Variants in MTRR observed in about 807,000 individuals in gnomAD.
MTRR encodes 5-methyltetrahydrofolate-homocysteine methyltransferase reductase.
MTRR carries 63 observed loss-of-function variants against 79.2 expected under a neutral mutation model. That is an observed-to-expected ratio of 0.80 (90% CI 0.65 to 0.98). MTRR has a LOEUF of 0.98. Among genes scored for constraint, MTRR ranks in the 50% least tolerant of loss-of-function variants. The pLI is 0.00. For missense variants in MTRR, 895 were observed against 839.6 expected, an observed-to-expected ratio of 1.07 and a Z score of -0.82; for synonymous variants, 355 against 313.3, an observed-to-expected ratio of 1.13 and a Z score of -1.41.
At chr5:7,888,424 T>C (rs568212934) in intron 8 of MTRR, among the ~76,000 whole-genome samples, 4 of 152,362 alleles carry the variant, frequency 2.6e-5, no homozygotes, top group Admixed American at 2.0e-4. Flanking sequence ...TTGGTAGATG[T>C]TTTTATTATC....
At chr5:7,869,063 C>T (rs1443416939), upstream of MTRR, 8 of 1,559,400 alleles carry the variant, frequency 5.1e-6, no homozygotes, top group Non-Finnish European at 7.1e-6. Flanking sequence ...GGCGGGAGCA[C>T]GACTCAGGGC....
chr5:7,878,399 A>G, intron 5 of MTRR, 77 bp downstream of exon 5: 2 of 1,565,704 alleles, frequency 1.3e-6, no homozygotes, highest in Non-Finnish European at 1.8e-6. Context: ...TTATTATTAC[A>G]TTAGAAGAGA....
chr5:7,871,816 A>T (rs1265948316), intron 2 of MTRR, among the ~76,000 whole-genome samples: 1 of 152,228 alleles, frequency 6.6e-6, no homozygotes, highest in African/African-American at 2.4e-5. Flanking sequence ...GGAGACTGCC[A>T]GTCAGCAGAC....
At position 7,892,931 on chromosome 5, in the gene MTRR, T is replaced by C. The variant is rs367589908; in HGVS notation, c.1557+18T>C. On this transcript the variant is annotated intron_variant, in intron 11 of 14. Coordinates refer to ENST00000440940, the MANE Select transcript of MTRR (RefSeq NM_002454.3). The stretch of plus-strand genomic sequence containing the variant: ...CTCCTAAGGTAAGAAATTAGTACCT[T>C]AACCTCAGCATTGTTAACTCATACT... 10 of 1,608,272 alleles carry C rather than the reference T, an allele frequency of 6.2e-6. No individual in the cohort carries two copies. In the African/African-American group the frequency reaches 8.0e-5, roughly 13 times the overall value.
At chr5:7,850,953 C>A, upstream of MTRR, 2 of 1,336,668 alleles carry the variant, frequency 1.5e-6, no homozygotes, top group Middle Eastern at 2.2e-4. Context: ...CGGACTGCGC[C>A]GAGACGGGCG....
At chr5:7,892,334 A>T (rs1373588234) in intron 10 of MTRR, among the ~76,000 whole-genome samples, 2 of 152,210 alleles carry the variant, frequency 1.3e-5, no homozygotes, top group Non-Finnish European at 2.9e-5. Context: ...TGTATACTTC[A>T]GTCACTTTCA....
upstream of MTRR, among the ~76,000 whole-genome samples, chr5:7,864,743 A>G (rs965590049): frequency 6.6e-6 from 1 of 152,182 alleles, no homozygotes; most frequent in Admixed American, 6.5e-5. Context: ...AACACACTGC[A>G]ATAGAAGTGG....
Position 7,870,046 on chromosome 5 carries a change from G to GA in MTRR, c.-25-717dup, listed in dbSNP as rs1316092834. 18 of 985,204 alleles carry GA rather than the reference G, an allele frequency of 1.8e-5. No homozygotes were observed. The African/African-American group carries it at 2.3e-4, about 12-fold the overall frequency. 61.0% of individuals were successfully genotyped at this position (985,204 alleles called of 1,614,324 possible). Reference sequence around the variant, plus strand: ...CAATTTTAGCCGTTAGATGAGTATGGAAAAAAATCTGTGAGTGTCGTTTGT... The same window carrying GA: ...CAATTTTAGCCGTTAGATGAGTATGGAAAAAAAATCTGTGAGTGTCGTTTGT... On this transcript the variant is annotated intron_variant, in intron 1 of 14. Coordinates refer to ENST00000440940, the MANE Select transcript of MTRR (RefSeq NM_002454.3).
chr5:7,854,644 G>A (rs187855339), intron 1 of MTRR, among the ~76,000 whole-genome samples: 8 of 152,118 alleles, frequency 5.3e-5, no homozygotes, highest in African/African-American at 9.7e-5. Flanking sequence ...TCCCTACCAC[G>A]AGAATATGGG....
chr5:7,885,720 A>T lies in MTRR; in HGVS notation c.923A>T (p.Gln308Leu), dbSNP rs778560380. The T allele has an allele frequency of 1.2e-6, 2 of 1,612,256 alleles. No homozygotes were observed. Among genetic ancestry groups the T allele is most frequent in the Non-Finnish European group, 1.7e-6 (2 of 1,179,770 alleles). ...LDISNTDFSY[Q>L]PGDAFSVICP... ...CTCTAGAATACAGACTTTTCCTATCAGCCTGGAGATGCCTTCAGCGTGATC... is the reference window on the plus strand; with the variant it reads ...CTCTAGAATACAGACTTTTCCTATCTGCCTGGAGATGCCTTCAGCGTGATC... Residue 308 changes from glutamine (Q) to leucine (L), a missense_variant, in exon 7 of 15, where the codon CAG becomes CTG. Physicochemically the swap from Gln to Leu is moderately radical, Grantham distance 113. Coordinates refer to ENST00000440940, the MANE Select transcript of MTRR (RefSeq NM_002454.3).
intron 9 of MTRR, among the ~76,000 whole-genome samples, 197 bp downstream of exon 9, chr5:7,889,472 G>GCCCTTCCAGAAGTCACAGAATTC (rs1426287280): frequency 4.6e-5 from 7 of 152,224 alleles, no homozygotes; most frequent in African/African-American, 1.7e-4. Flanking sequence ...ACATCTGTGT[G>GCCCTTCCAGAAGTCACAGAATTC]CCCTTCCAGA....
chr5:7,853,429 A>T (rs1215643772), intron 1 of MTRR, among the ~76,000 whole-genome samples: 1 of 152,224 alleles, frequency 6.6e-6, no homozygotes, highest in African/African-American at 2.4e-5. Context: ...GTATTTCTTT[A>T]TAGCAGCATG....
chr5:7,861,681 C>T (rs781732035), intron 1 of MTRR: 13 of 1,596,770 alleles, frequency 8.1e-6, no homozygotes, highest in South Asian at 1.1e-5. Context: ...AAAAATTCCT[C>T]GTGTGATACC....
Position 7,900,252 on chromosome 5 carries a change from G to A in MTRR, c.*194G>A, listed in dbSNP as rs188412908. On this transcript the variant is annotated 3_prime_UTR_variant, in exon 15 of 15. Transcript: ENST00000440940. ...TTGATTTTACGTATCTTCTATCTACGCCCTTCCTGTGCCTGTGACTCTCCC... is the reference window on the plus strand; with the variant it reads ...TTGATTTTACGTATCTTCTATCTACACCCTTCCTGTGCCTGTGACTCTCCC... The A allele has an allele frequency of 3.1e-6, 2 of 641,702 alleles. No individual in the cohort carries two copies. Among genetic ancestry groups the A allele is most frequent in the Admixed American group, 3.1e-5 (1 of 32,768 alleles). The allele number at this position is 641,702 out of a possible 1,614,324, so 39.8% of individuals were successfully genotyped here. A position where few individuals can be genotyped will look rare whatever the true frequency, so the allele number is the denominator to read the frequency against.
chr5:7,896,931 C>A lies in MTRR; in HGVS notation c.1744C>A (p.His582Asn), dbSNP rs949973580. ...AATGTGGTTGTTTTTTGGCTGCAGG[C>A]ATAAGGATAGGGATTATCTATTCAG... Reference protein sequence around the residue: ...GAMWLFFGCRHKDRDYLFRKE... With the variant: ...GAMWLFFGCRNKDRDYLFRKE... Residue 582 changes from histidine to asparagine, a missense_variant, in exon 13 of 15, where the codon CAT becomes AAT. Physicochemically the swap from His to Asn is moderately conservative, Grantham distance 68. Transcript: ENST00000440940. 6.2e-7 allele frequency: 1 copy of A among 1,613,824 alleles called. No individual in the cohort carries two copies. The highest frequency in any genetic ancestry group is 1.3e-5 in the African/African-American group (1 of 74,838).
chr5:7,892,854 G>A lies in MTRR; in HGVS notation c.1498G>A (p.Val500Ile), dbSNP rs766470905. 1.2e-6 allele frequency: 2 copies of A among 1,614,216 alleles called. No individual in the cohort carries two copies. Among genetic ancestry groups the A allele is most frequent in the South Asian group, 1.1e-5 (1 of 91,088 alleles). The change falls in exon 11 of 15, where the codon GTT becomes ATT. Residue 500 changes from valine (V) to isoleucine (I), a missense_variant. Val to Ile is a conservative substitution (Grantham distance 29, BLOSUM62 3). Coordinates refer to ENST00000440940, the MANE Select transcript of MTRR (RefSeq NM_002454.3). ...TGWLALLVAS[V>I]LQPNIHASHE... ...CTGGCTGGCCTTGTTGGTTGCTTCA[G>A]TTCTTCAGCCAAACATACATGCATC...
chr5:7,856,280 T>C (rs554107743), intron 1 of MTRR, among the ~76,000 whole-genome samples: 65 of 152,288 alleles, frequency 4.3e-4, no homozygotes, highest in Non-Finnish European at 7.5e-4. Flanking sequence ...CAGTTAGATG[T>C]TCCATTTTAT....
intron 1 of MTRR, among the ~76,000 whole-genome samples, chr5:7,855,420 GA>G (rs5865737): frequency 2.8e-5 from 4 of 145,270 alleles, no homozygotes; most frequent in Non-Finnish European, 3.0e-5. Flanking sequence ...CATTCCAGTG[GA>G]AAAAAAAAAA....
intron 1 of MTRR, among the ~76,000 whole-genome samples, chr5:7,856,344 G>A (rs1333077996): frequency 1.3e-5 from 2 of 152,132 alleles, no homozygotes; most frequent in African/African-American, 4.8e-5. Context: ...TTAGCACTAT[G>A]TCCTTGATGA....
Sources: allele counts gnomAD v4.1 joint callset (sites outside exome capture counted in the v4.1 genomes callset), GRCh38; gene constraint gnomAD v4.1.1; transcripts MANE v1.5; gene names NCBI Gene and HGNC (gene_info 2026-07-23, HGNC 2026-07-21).